Variants in CSMD1 observed in about 807,000 individuals in gnomAD.
CSMD1 encodes the protein CUB and Sushi multiple domains 1.
CSMD1 carries 213 observed loss-of-function variants against 417.5 expected under a neutral mutation model. The observed-to-expected ratio is 0.51, with a 90% CI of 0.46 to 0.57. The LOEUF (loss-of-function observed/expected upper bound fraction) is 0.57, where lower values mean the gene tolerates loss of function less well. Ranked by LOEUF, CSMD1 falls within the 20% of genes least tolerant of loss-of-function variation. The probability of loss-of-function intolerance (pLI) is 0.00; values close to 1 mark genes in which losing one functional copy is unlikely to be tolerated. For synonymous variants in CSMD1, 2,862 were observed against 1,736.8 expected, an observed-to-expected ratio of 1.65 and a Z score of -16.11; for missense variants, 6,923 against 4,529.7, an observed-to-expected ratio of 1.53 and a Z score of -15.17.
At chr8:4,961,179 T>C (rs571430060) in intron 1 of CSMD1, among the ~76,000 whole-genome samples, 1 of 152,228 alleles carries the variant, frequency 6.6e-6, no homozygotes, top group Non-Finnish European at 1.5e-5. Context: ...AATTGATACA[T>C]CTTACTTTTA....
chr8:3,649,206 A>G (rs12547998), intron 7 of CSMD1, among the ~76,000 whole-genome samples: 4,936 of 152,286 alleles, frequency 0.032, 116 homozygotes, highest in Non-Finnish European at 0.052. Flanking sequence ...TGATACCATA[A>G]GTCTTCCGAT....
chr8:4,306,271 G>A (rs1268651321), intron 3 of CSMD1, among the ~76,000 whole-genome samples: 2 of 151,668 alleles, frequency 1.3e-5, no homozygotes, highest in African/African-American at 4.9e-5. Context: ...GTTGTAGAAT[G>A]GCCCTTCCTG....
At chr8:3,456,968 A>G (rs1816189033) in intron 12 of CSMD1, among the ~76,000 whole-genome samples, 1 of 150,892 alleles carries the variant, frequency 6.6e-6, no homozygotes, top group South Asian at 2.1e-4. Context: ...CTCATCCTGC[A>G]CTTCCTCATC....
chr8:4,758,692 T>G (rs1402538221), intron 1 of CSMD1, among the ~76,000 whole-genome samples: 3 of 152,270 alleles, frequency 2.0e-5, no homozygotes, highest in East Asian at 3.9e-4. Flanking sequence ...ACATCTTACA[T>G]GGCAGCAGGT....
In CSMD1 at chr8:4,075,035, A is replaced by C. The variant is rs2740807; in HGVS notation, c.416-42936T>G. Among the ~76,000 whole-genome samples the C allele has an allele frequency of 7.8e-3, 1,188 of 152,304 alleles. 13 individuals carry two copies. Among genetic ancestry groups the C allele is most frequent in the African/African-American group, 0.027 (1,138 of 41,568 alleles). ...TGTCTTTACTCACTGTAATAACCCC[A>C]GTATGAATGATGAGTAAATAATGCT... On this transcript the variant is annotated intron_variant, in intron 3 of 69. Coordinates refer to ENST00000635120, the MANE Select transcript of CSMD1 (RefSeq NM_033225.6).
chr8:4,916,474 A>C (rs536438013), intron 1 of CSMD1, among the ~76,000 whole-genome samples: 6 of 152,244 alleles, frequency 3.9e-5, no homozygotes, highest in Non-Finnish European at 8.8e-5. Context: ...GTTTTGTTCA[A>C]CTTGCAATGT....
chr8:3,390,617 G>T (rs1238389699), intron 17 of CSMD1, among the ~76,000 whole-genome samples: 1 of 151,442 alleles, frequency 6.6e-6, no homozygotes, highest in Non-Finnish European at 1.5e-5. Flanking sequence ...GAACCTTAAA[G>T]CAACAATGAA....
chr8:3,105,477 A>G (rs909495965), intron 46 of CSMD1, among the ~76,000 whole-genome samples: 2 of 152,230 alleles, frequency 1.3e-5, no homozygotes, highest in South Asian at 4.1e-4. Context: ...ATTTGAGCTT[A>G]TGTAAAGTTT....
intron 5 of CSMD1, among the ~76,000 whole-genome samples, chr8:3,822,706 G>A (rs374015733): frequency 3.2e-4 from 48 of 152,248 alleles, no homozygotes; most frequent in African/African-American, 1.1e-3. Flanking sequence ...TCCTGGGCAG[G>A]TGACACCCTA....
chr8:4,967,321 C>G (rs977417135), intron 1 of CSMD1, among the ~76,000 whole-genome samples: 4 of 152,068 alleles, frequency 2.6e-5, no homozygotes, highest in African/African-American at 7.2e-5. Flanking sequence ...CTTCTCTGAA[C>G]AATTAGTTTT....
chr8:3,805,572 G>A (rs1045996032), intron 5 of CSMD1, among the ~76,000 whole-genome samples: 2 of 152,140 alleles, frequency 1.3e-5, no homozygotes, highest in African/African-American at 4.8e-5. Flanking sequence ...CAAGAAACAG[G>A]TGAAACCTTT....
chr8:4,747,645 T>C (rs1251589150), intron 1 of CSMD1, among the ~76,000 whole-genome samples: 1 of 152,208 alleles, frequency 6.6e-6, no homozygotes, highest in Non-Finnish European at 1.5e-5. Flanking sequence ...AACCTTCTGC[T>C]TTATACTCAG....
In CSMD1 at chr8:4,579,335, T is replaced by TAC. The variant is rs1000252321; in HGVS notation, c.302+58006_302+58007insGT. 4.4e-3 allele frequency among the ~76,000 whole-genome samples: 656 copies of TAC among 150,752 alleles called. 4 individuals carry two copies. The highest frequency in any genetic ancestry group is 0.015 in the African/African-American group (621 of 41,118). On this transcript the variant is annotated intron_variant, in intron 2 of 69. Coordinates refer to ENST00000635120, the MANE Select transcript of CSMD1 (RefSeq NM_033225.6). Reference sequence around the variant, plus strand: ...TGAAGTTTAAACATACATACATACATATATATATACACACACGTGTGTGTG... The same window carrying TAC: ...TGAAGTTTAAACATACATACATACATACATATATATACACACACGTGTGTGTG...
chr8:3,321,558 C>G (rs774337291), intron 23 of CSMD1, among the ~76,000 whole-genome samples: 1 of 152,160 alleles, frequency 6.6e-6, no homozygotes, highest in Non-Finnish European at 1.5e-5. Context: ...AGAAATGAAC[C>G]TCCCTGAACG....
intron 1 of CSMD1, among the ~76,000 whole-genome samples, chr8:4,899,599 G>C (rs1292275374): frequency 6.6e-6 from 1 of 152,072 alleles, no homozygotes; most frequent in East Asian, 1.9e-4. Context: ...TTTTCTTCTA[G>C]AAGTTACCTG....
At chr8:4,713,074 G>A (rs769771710) in intron 1 of CSMD1, among the ~76,000 whole-genome samples, 23 of 152,164 alleles carry the variant, frequency 1.5e-4, no homozygotes, top group Non-Finnish European at 2.8e-4. Flanking sequence ...ATCGGTCCCC[G>A]CTGCACCTCA....
intron 2 of CSMD1, among the ~76,000 whole-genome samples, chr8:4,453,630 G>T (rs560450688): frequency 2.8e-4 from 43 of 152,068 alleles, no homozygotes; most frequent in Middle Eastern, 6.8e-3. Flanking sequence ...GAAATGTATA[G>T]AACTGGCATG....
At position 3,875,854 on chromosome 8, in the gene CSMD1, G is replaced by A. The variant is rs143793478; in HGVS notation, c.819-121812C>T. On this transcript the variant is annotated intron_variant, in intron 5 of 69. Coordinates refer to ENST00000635120, the MANE Select transcript of CSMD1 (RefSeq NM_033225.6). Reference sequence around the variant, plus strand: ...GCAGATCAATCAAGGATTGCCTTTTGGAAACACTAGAGTGTGTTCCAAACT... The same window carrying A: ...GCAGATCAATCAAGGATTGCCTTTTAGAAACACTAGAGTGTGTTCCAAACT... Among the ~76,000 whole-genome samples, 969 of 152,234 alleles carry A rather than the reference G, an allele frequency of 6.4e-3. 5 individuals carry two copies. The highest frequency in any genetic ancestry group is 0.02 in the Middle Eastern group (6 of 294).
intron 2 of CSMD1, among the ~76,000 whole-genome samples, chr8:4,529,744 C>T (rs1796696339): frequency 6.6e-6 from 1 of 152,018 alleles, no homozygotes; most frequent in South Asian, 2.1e-4. Context: ...ATTTTTCAGA[C>T]TATAAAGCGG....
Sources: gnomAD v4.1 joint callset for allele counts (sites outside exome capture counted in the v4.1 genomes callset) on GRCh38, gnomAD v4.1.1 for gene constraint, MANE v1.5 for transcripts, NCBI Gene and HGNC (gene_info 2026-07-23, HGNC 2026-07-21) for gene names.